NTNG2: variants seen among roughly 807,000 people sequenced by gnomAD.
The protein encoded by NTNG2 is netrin-G2.
In NTNG2, 15 loss-of-function variants were observed where a neutral mutation model predicts 47.6. The observed-to-expected ratio is 0.32, with a 90% confidence interval of 0.21 to 0.49. NTNG2 has a LOEUF of 0.49. Ranked by LOEUF, NTNG2 falls within the 20% of genes least tolerant of loss-of-function variation. The pLI is 0.99. For synonymous variants in NTNG2, 307 were observed against 324.6 expected (o/e 0.95, Z 0.58); for missense variants, 578 against 764.6 (o/e 0.76, Z 2.88).
chr9:132,231,476 G>A lies in NTNG2; in HGVS notation c.1054+881G>A, dbSNP rs571803669. 4.1e-5 allele frequency: 15 copies of A among 366,424 alleles called. No homozygotes were observed. The highest frequency in any genetic ancestry group is 2.6e-4 in the South Asian group (13 of 50,006). The allele number at this position is 366,424 out of a possible 1,614,324, so 22.7% of individuals were successfully genotyped here. A position where few individuals can be genotyped will look rare whatever the true frequency, so the allele number is the denominator to read the frequency against. ...ACATCCCACCCAAGTTGTCCCTCCC[G>A]GACCCAGGGGGCCCCTGGCTGGGAA... On this transcript the variant is annotated intron_variant, in intron 5 of 7. Transcript: ENST00000393229. The surrounding 1 kb of genome is among the most constrained non-coding windows in gnomAD (Gnocchi z 4.1).
chr9:132,223,205 G>A (rs966596515), intron 3 of NTNG2, among the ~76,000 whole-genome samples: 1 of 152,236 alleles, frequency 6.6e-6, no homozygotes, highest in African/African-American at 2.4e-5. Flanking sequence ...ACCCCAAGGA[G>A]GAAGGCAGCC....
intron 2 of NTNG2, among the ~76,000 whole-genome samples, chr9:132,195,201 C>G (rs1838189156): frequency 6.6e-6 from 1 of 152,112 alleles, no homozygotes; most frequent in South Asian, 2.1e-4. Context: ...GTACCTAAAA[C>G]CCCATGCCAC....
Position 132,197,998 on chromosome 9 carries a change from C to T in NTNG2, c.246C>T (p.Asp82=), listed in dbSNP as rs747163805. The change falls in exon 3 of 8, where the codon GAC becomes GAT. Residue 82 remains aspartate, a synonymous_variant. Coordinates refer to ENST00000393229, the MANE Select transcript of NTNG2 (RefSeq NM_032536.4). This position sits in a 1 kb window ranked among gnomAD's most constrained non-coding sequence, Gnocchi z 4.3. ...CCTACCTATGCAGCAACGAGTGTGA[C>T]GCCTCCAACCCGGACCTGGCCCACC... is the stretch of plus-strand genomic sequence containing the variant. The part of the protein sequence containing the change: ...ENPYLCSNEC[D]ASNPDLAHPP... 15 of 1,613,222 alleles carry T rather than the reference C, an allele frequency of 9.3e-6. No homozygotes were observed. The highest frequency in any genetic ancestry group is 1.1e-5 in the Non-Finnish European group (13 of 1,179,920).
At chr9:132,196,746 A>C (rs367972655) in intron 2 of NTNG2, among the ~76,000 whole-genome samples, 1 of 152,176 alleles carries the variant, frequency 6.6e-6, no homozygotes, top group South Asian at 2.1e-4. Context: ...GTGTCCGATG[A>C]TTCCGTTCAA....
intron 2 of NTNG2, among the ~76,000 whole-genome samples, chr9:132,170,727 A>G (rs1835854698): frequency 1.3e-5 from 2 of 151,886 alleles, no homozygotes; most frequent in African/African-American, 4.8e-5. Flanking sequence ...GAGAGAGAGA[A>G]CTACTGCCCA....
intron 3 of NTNG2, among the ~76,000 whole-genome samples, chr9:132,224,629 A>G (rs538607655): frequency 1.3e-5 from 2 of 152,330 alleles, no homozygotes; most frequent in South Asian, 2.1e-4. Flanking sequence ...TTCTTTGCAT[A>G]TTTTAATAAA....
intron 4 of NTNG2, among the ~76,000 whole-genome samples, chr9:132,227,972 CG>C (rs1840909708): frequency 6.6e-6 from 1 of 152,176 alleles, no homozygotes; most frequent in Non-Finnish European, 1.5e-5. Flanking sequence ...TTGTGCATCT[CG>C]CTTCACCCTC....
intron 2 of NTNG2, among the ~76,000 whole-genome samples, chr9:132,185,928 C>T (rs955922458): frequency 1.3e-5 from 2 of 151,642 alleles, no homozygotes; most frequent in African/African-American, 4.8e-5. Context: ...TGAGCGCTCC[C>T]GCTGGCCCTG....
At chr9:132,199,196 TG>T (rs1349310046) in intron 3 of NTNG2, among the ~76,000 whole-genome samples, 2 of 152,116 alleles carry the variant, frequency 1.3e-5, no homozygotes, top group Non-Finnish European at 2.9e-5. Flanking sequence ...TGGGCAGAGC[TG>T]GGCTAACTCC....
chr9:132,219,427 G>A (rs1038829410), intron 3 of NTNG2, among the ~76,000 whole-genome samples: 2 of 151,818 alleles, frequency 1.3e-5, no homozygotes, highest in East Asian at 1.9e-4. Context: ...ACAAAAATTA[G>A]CTAGATGTGG....
chr9:132,226,883 A>G lies in NTNG2; in HGVS notation c.892A>G (p.Met298Val). 1 of 1,611,450 alleles carries G rather than the reference A, an allele frequency of 6.2e-7. No homozygotes were observed. Among genetic ancestry groups the G allele is most frequent in the Non-Finnish European group, 8.5e-7 (1 of 1,179,102 alleles). ...KCNLHANLCS[M>V]REGSLQCECE... ...CAACCTGCACGCCAACCTGTGCTCCATGCGCGAGGGCAGCCTGCAGTGCGA... is the reference window on the plus strand; with the variant it reads ...CAACCTGCACGCCAACCTGTGCTCCGTGCGCGAGGGCAGCCTGCAGTGCGA... Residue 298 changes from methionine (M) to valine (V), a missense_variant, in exon 4 of 8, where the codon ATG becomes GTG. Physicochemically the swap from Met to Val is conservative, Grantham distance 21 (BLOSUM62 1). Transcript: ENST00000393229. This position sits in a 1 kb window ranked among gnomAD's most constrained non-coding sequence, Gnocchi z 4.8.
rs1840145948 is a variant in NTNG2, at chr9:132,218,584, C to T, written c.858-8265C>T. 6.6e-6 allele frequency among the ~76,000 whole-genome samples: 1 copy of T among 152,142 alleles called. No individual in the cohort carries two copies. Among genetic ancestry groups the T allele is most frequent in the Non-Finnish European group, 1.5e-5 (1 of 68,030 alleles). ...TGACCTCGGCCTACTGCAACCTCCA[C>T]CTGTTGGGTTCAAGCGATCCTCCTG... On this transcript the variant is annotated intron_variant, in intron 3 of 7. Coordinates refer to ENST00000393229, the MANE Select transcript of NTNG2 (RefSeq NM_032536.4). The surrounding 1 kb of genome is among the most constrained non-coding windows in gnomAD (Gnocchi z 5.4).
chr9:132,176,596 T>C (rs1240143390), intron 2 of NTNG2, among the ~76,000 whole-genome samples: 1 of 152,260 alleles, frequency 6.6e-6, no homozygotes, highest in African/African-American at 2.4e-5. Context: ...TCCTAACTGA[T>C]GGACATTTGA....
chr9:132,243,101 G>C lies in NTNG2; in HGVS notation c.*990G>C, dbSNP rs148964699. ...CCCTCCTTTCCCAAAAAAGAAATCC[G>C]GAGTGTATTGGCCCTTTTCTACAGA... On this transcript the variant is annotated 3_prime_UTR_variant, in exon 8 of 8. Coordinates refer to ENST00000393229, the MANE Select transcript of NTNG2 (RefSeq NM_032536.4). 6.6e-6 allele frequency: 1 copy of C among 152,182 alleles called. No individual in the cohort carries two copies. The highest frequency in any genetic ancestry group is 6.5e-5 in the Admixed American group (1 of 15,272). The allele number at this position is 152,182 out of a possible 1,614,324, so 9.4% of individuals were successfully genotyped here. A position where few individuals can be genotyped will look rare whatever the true frequency, so the allele number is the denominator to read the frequency against.
In NTNG2 at chr9:132,242,188, C is replaced by T. The variant is rs1842034872; in HGVS notation, c.*77C>T. ...CCGGGGCGGGGCCGGCGTCCGAGGCCGGGCGGTGAGAAGGGTGCGGCCCGA... is the reference window on the plus strand; with the variant it reads ...CCGGGGCGGGGCCGGCGTCCGAGGCTGGGCGGTGAGAAGGGTGCGGCCCGA... On this transcript the variant is annotated 3_prime_UTR_variant, in exon 8 of 8. Transcript: ENST00000393229. The surrounding 1 kb of genome is among the most constrained non-coding windows in gnomAD (Gnocchi z 5.9). 2.8e-6 allele frequency: 2 copies of T among 706,080 alleles called. No homozygotes were observed. The highest frequency in any genetic ancestry group is 6.6e-5 in the South Asian group (1 of 15,246). The allele number at this position is 706,080 out of a possible 1,614,324, so 43.7% of individuals were successfully genotyped here.
At position 132,162,535 on chromosome 9, in the gene NTNG2, AGTGTGTGTGT is replaced by A. The variant is rs771590912; in HGVS notation, c.-484+308_-484+317del. On this transcript the variant is annotated intron_variant, in intron 1 of 7. Transcript: ENST00000393229. This position sits in a 1 kb window ranked among gnomAD's most constrained non-coding sequence, Gnocchi z 4.6. The stretch of plus-strand genomic sequence containing the variant: ...GGGTCCTTTCCGTCGTGTGTGTGAG[AGTGTGTGTGT>A]GTGTGTGTGTGAGAGAGAGACAGAG... Among the ~76,000 whole-genome samples, 1 of 78,236 alleles carries A rather than the reference AGTGTGTGTGT, an allele frequency of 1.3e-5. No individual in the cohort carries two copies. The highest frequency in any genetic ancestry group is 3.2e-4 in the East Asian group (1 of 3,162). 51.3% of individuals were successfully genotyped at this position (78,236 alleles called of 152,430 possible). A position where few individuals can be genotyped will look rare whatever the true frequency, so the allele number is the denominator to read the frequency against.
chr9:132,230,469 A>G, intron 4 of NTNG2, 103 bp from the exon 5 acceptor site: 1 of 1,051,426 alleles, frequency 9.5e-7, no homozygotes, highest in South Asian at 1.4e-5. Context: ...TGAGGGAGCG[A>G]CACCTCCAGG....
intron 2 of NTNG2, among the ~76,000 whole-genome samples, chr9:132,188,329 T>A (rs1215563097): frequency 6.6e-6 from 1 of 152,220 alleles, no homozygotes; most frequent in Non-Finnish European, 1.5e-5. Flanking sequence ...TCAAGAGACG[T>A]GCCGCCTGCC....
rs927264414 is a variant in NTNG2, at chr9:132,198,386, C to A, written c.634C>A (p.Arg212Ser). ...WAGSKKEKHV[R>S]FEVRDRFAIF... ...AGGCTCCAAGAAGGAGAAGCACGTG[C>A]GCTTCGAGGTGCGGGACCGCTTCGC... is the stretch of plus-strand genomic sequence containing the variant. Residue 212 changes from arginine to serine, a missense_variant, in exon 3 of 8, where the codon CGC becomes AGC. By Grantham distance (110) the Arg-to-Ser change is moderately radical. Transcript: ENST00000393229. 6.2e-7 allele frequency: 1 copy of A among 1,613,018 alleles called. No individual in the cohort carries two copies. The highest frequency in any genetic ancestry group is 8.5e-7 in the Non-Finnish European group (1 of 1,179,954).
Sources: allele counts gnomAD v4.1 joint callset (sites outside exome capture counted in the v4.1 genomes callset), GRCh38; gene constraint gnomAD v4.1.1; non-coding constraint Gnocchi (gnomAD v3.1); transcripts MANE v1.5; gene names NCBI Gene and HGNC (gene_info 2026-07-23, HGNC 2026-07-21).